PPP3CA: variants seen among roughly 807,000 people sequenced by gnomAD.
PPP3CA encodes CAM-PRP catalytic subunit.
Under a neutral mutation model 66.5 loss-of-function variants are expected in PPP3CA, and 14 were observed. The observed-to-expected ratio is 0.21, with a 90% CI of 0.14 to 0.33. The LOEUF (loss-of-function observed/expected upper bound fraction) is 0.33, where lower values mean the gene tolerates loss of function less well. PPP3CA is among the 10% of genes least tolerant of loss of function. The pLI is 1.00. For synonymous variants in PPP3CA, 232 were observed against 226.2 expected (o/e 1.03, Z -0.23); for missense variants, 317 against 639.5 (o/e 0.50, Z 5.44).
At chr4:101,254,945 T>C (rs555495051) in intron 1 of PPP3CA, among the ~76,000 whole-genome samples, 1 of 150,992 alleles carries the variant, frequency 6.6e-6, no homozygotes, top group Non-Finnish European at 1.5e-5. Flanking sequence ...GGACCTCGTA[T>C]GTATGTAATT....
intron 1 of PPP3CA, among the ~76,000 whole-genome samples, chr4:101,342,752 C>A (rs1394094073): frequency 6.6e-6 from 1 of 152,114 alleles, no homozygotes; most frequent in East Asian, 1.9e-4. Flanking sequence ...TTCACAAGCT[C>A]TTCCTGGAAC....
At chr4:101,162,376 C>G (rs1342920760) in intron 2 of PPP3CA, among the ~76,000 whole-genome samples, 8 of 151,868 alleles carry the variant, frequency 5.3e-5, no homozygotes, top group Middle Eastern at 3.4e-3. Context: ...ACTAAAAATA[C>G]AAAAATTAGC....
At chr4:101,042,173 CTTTT>C (rs558866853) in intron 10 of PPP3CA, among the ~76,000 whole-genome samples, 8 of 91,142 alleles carry the variant, frequency 8.8e-5, no homozygotes, top group Admixed American at 1.1e-4. Flanking sequence ...AAGGTCTTTG[CTTTT>C]TTTTTTTTTT....
At chr4:101,063,162 G>C in intron 9 of PPP3CA, 70 bp downstream of exon 9, 1 of 1,523,346 alleles carries the variant, frequency 6.6e-7, no homozygotes, top group Non-Finnish European at 8.9e-7. Flanking sequence ...TTCTCTTTCT[G>C]AGTGTTTAAT....
At chr4:101,239,815 G>T (rs1726243321) in intron 1 of PPP3CA, among the ~76,000 whole-genome samples, 1 of 151,866 alleles carries the variant, frequency 6.6e-6, no homozygotes, top group Non-Finnish European at 1.5e-5. Flanking sequence ...TACTCCTTTA[G>T]GTTCTCAATT....
intron 2 of PPP3CA, among the ~76,000 whole-genome samples, chr4:101,174,389 G>A (rs1486490324): frequency 6.6e-6 from 1 of 152,096 alleles, no homozygotes; most frequent in East Asian, 1.9e-4. Context: ...CTTCACTAAA[G>A]TGCAATGACT....
At chr4:101,091,914 T>C (rs942804396) in intron 6 of PPP3CA, among the ~76,000 whole-genome samples, 3 of 150,872 alleles carry the variant, frequency 2.0e-5, no homozygotes, top group African/African-American at 7.3e-5. Context: ...GAGGAGTAAG[T>C]ATTCTAAAAT....
chr4:101,169,320 G>A (rs7677550), intron 2 of PPP3CA, among the ~76,000 whole-genome samples: 73,014 of 151,994 alleles, frequency 0.48, 19,164 homozygotes, highest in Middle Eastern at 0.63. Flanking sequence ...TAGAGAAGAT[G>A]CTCAGTCAGC....
chr4:101,079,379 CTTT>C (rs1016993243), intron 8 of PPP3CA, among the ~76,000 whole-genome samples: 6 of 138,506 alleles, frequency 4.3e-5, no homozygotes, highest in Admixed American at 1.5e-4. Flanking sequence ...TTCCATTTCT[CTTT>C]TTTTTTTTTT....
At chr4:101,140,526 C>T (rs542320109) in intron 2 of PPP3CA, among the ~76,000 whole-genome samples, 87 of 152,230 alleles carry the variant, frequency 5.7e-4, no homozygotes, top group African/African-American at 2.0e-3. Flanking sequence ...CCTCTTCTTT[C>T]CTTTATCAGT....
chr4:101,291,354 T>C (rs749856208), intron 1 of PPP3CA, among the ~76,000 whole-genome samples: 1 of 152,174 alleles, frequency 6.6e-6, no homozygotes, highest in African/African-American at 2.4e-5. Flanking sequence ...GGAGTCTGTA[T>C]TGGCATGCAT....
chr4:101,146,045 G>A (rs1045328241), intron 2 of PPP3CA, among the ~76,000 whole-genome samples: 2 of 152,172 alleles, frequency 1.3e-5, no homozygotes, highest in African/African-American at 4.8e-5. Context: ...CCAGATCTAA[G>A]TATGAGAAAT....
At chr4:101,277,007 A>C (rs1196473412) in intron 1 of PPP3CA, among the ~76,000 whole-genome samples, 2 of 73,866 alleles carry the variant, frequency 2.7e-5, no homozygotes, top group South Asian at 3.7e-4. Flanking sequence ...AAATATTAGG[A>C]CCTGATATTT....
chr4:101,320,660 C>G (rs975078028), intron 1 of PPP3CA, among the ~76,000 whole-genome samples: 1 of 152,100 alleles, frequency 6.6e-6, no homozygotes, highest in Non-Finnish European at 1.5e-5. Context: ...ACATGACATA[C>G]AGCTATTCCT....
chr4:101,094,517 T>A (rs1730108677), intron 5 of PPP3CA, among the ~76,000 whole-genome samples: 1 of 152,202 alleles, frequency 6.6e-6, no homozygotes, highest in Non-Finnish European at 1.5e-5. Context: ...ATGGGCTATC[T>A]AGGTTTCTAA....
intron 1 of PPP3CA, among the ~76,000 whole-genome samples, chr4:101,284,951 T>C (rs1235244565): frequency 6.6e-6 from 1 of 152,226 alleles, no homozygotes; most frequent in Non-Finnish European, 1.5e-5. Flanking sequence ...GGGATTAAAA[T>C]GTCATACTTA....
chr4:101,271,137 T>C (rs1307686622), intron 1 of PPP3CA, among the ~76,000 whole-genome samples: 3 of 152,096 alleles, frequency 2.0e-5, no homozygotes, highest in African/African-American at 7.2e-5. Flanking sequence ...CACTCCCACC[T>C]GTCTTCTCAA....
chr4:101,254,264 A>C (rs1281371521), intron 1 of PPP3CA, among the ~76,000 whole-genome samples: 1 of 152,048 alleles, frequency 6.6e-6, no homozygotes, highest in East Asian at 1.9e-4. Flanking sequence ...CAGCAAGAGA[A>C]GCTAATACAT....
intron 1 of PPP3CA, among the ~76,000 whole-genome samples, chr4:101,333,099 C>CTT (rs1207071385): frequency 8.3e-6 from 1 of 120,346 alleles, no homozygotes; most frequent in African/African-American, 3.1e-5. Flanking sequence ...ATGCCATCTT[C>CTT]TTTCTTTTTT....
Sources: allele counts gnomAD v4.1 joint callset (sites outside exome capture counted in the v4.1 genomes callset), GRCh38; gene constraint gnomAD v4.1.1; transcripts MANE v1.5; gene names NCBI Gene and HGNC (gene_info 2026-07-23, HGNC 2026-07-21).